Variants in RBMS3 observed in about 807,000 individuals in gnomAD.
The protein encoded by RBMS3 is RNA-binding motif, single-stranded-interacting protein 3.
RBMS3 carries 27 observed loss-of-function variants against 66.8 expected under a neutral mutation model. The ratio of observed to expected loss-of-function variants is 0.40; its 90% confidence interval spans 0.30 to 0.56. The LOEUF (loss-of-function observed/expected upper bound fraction) is 0.56. Ranked by LOEUF, RBMS3 falls within the 20% of genes least tolerant of loss-of-function variation. RBMS3 has a pLI of 0.40. For missense variants in RBMS3, 513 were observed against 549.5 expected (o/e 0.93, Z 0.66); for synonymous variants, 188 against 183.0 (o/e 1.03, Z -0.22).
rs1279445343 is a variant in RBMS3 at position 29,647,875 on chromosome 3, A to G, written c.399+60670A>G. On this transcript the variant is annotated intron_variant, in intron 4 of 14. Transcript: ENST00000383767. ...CAAATCTTTTGTGAATGTCCTGTCC[A>G]ATCTCAATTATAAAGAATTGCATAA... Among the ~76,000 whole-genome samples, 4 of 152,338 alleles carry G rather than the reference A, an allele frequency of 2.6e-5. No homozygotes were observed. In the South Asian group the frequency reaches 8.3e-4, roughly 32 times the overall value.
chr3:29,700,595 A>C (rs1353039307), intron 4 of RBMS3, among the ~76,000 whole-genome samples: 1 of 152,208 alleles, frequency 6.6e-6, no homozygotes, highest in East Asian at 1.9e-4. Flanking sequence ...ATTGGTAATT[A>C]TAGAACATGT....
In RBMS3 at chr3:29,618,568, T is replaced by C. The variant is rs111978465; in HGVS notation, c.399+31363T>C. Among the ~76,000 whole-genome samples, 876 of 152,170 alleles carry C rather than the reference T, an allele frequency of 5.8e-3. 6 individuals are homozygous for C. Among genetic ancestry groups the C allele is most frequent in the Non-Finnish European group, 8.4e-3 (569 of 67,984 alleles). ...GCCCATTTCTCCTCCTTGTCATTTC[T>C]CAATCAGTGTGGTCCTTTGTGGGTG... On this transcript the variant is annotated intron_variant, in intron 4 of 14. Transcript: ENST00000383767.
intron 1 of RBMS3, among the ~76,000 whole-genome samples, chr3:29,362,726 T>G (rs1019926966): frequency 2.6e-5 from 4 of 152,204 alleles, no homozygotes; most frequent in African/African-American, 9.6e-5. Context: ...CTTTTTAGAT[T>G]GAGCCATATA....
At chr3:29,504,101 A>T (rs2044087722) in intron 3 of RBMS3, among the ~76,000 whole-genome samples, 1 of 151,124 alleles carries the variant, frequency 6.6e-6, no homozygotes, top group South Asian at 2.1e-4. Context: ...CTTTAGATCC[A>T]CTCCAGAAAT....
chr3:29,519,785 G>T (rs2044782926), intron 3 of RBMS3, among the ~76,000 whole-genome samples: 2 of 152,084 alleles, frequency 1.3e-5, no homozygotes, highest in Admixed American at 6.6e-5. Flanking sequence ...TTATTAAAAT[G>T]GGAGCTTTAC....
rs778168184 is a variant in RBMS3 at position 29,739,844 on chromosome 3, C to T, written c.524C>T (p.Ala175Val). 1 of 1,609,818 alleles carries T rather than the reference C, an allele frequency of 6.2e-7. No individual in the cohort carries two copies. Among genetic ancestry groups the T allele is most frequent in the Non-Finnish European group, 8.5e-7 (1 of 1,178,470 alleles). The part of the protein sequence containing the change: ...HVISTRILRD[A>V]NGVSRGVGFA... ...ATTTCCACAAGAATACTAAGAGACGCTAATGGAGTCAGCAGAGGTGTTGGC... is the reference window on the plus strand; with the variant it reads ...ATTTCCACAAGAATACTAAGAGACGTTAATGGAGTCAGCAGAGGTGTTGGC... The change falls in exon 5 of 15, where the codon GCT becomes GTT. Residue 175 changes from alanine to valine, a missense_variant. Coordinates refer to ENST00000383767, the MANE Select transcript of RBMS3 (RefSeq NM_001003793.3).
intron 1 of RBMS3, among the ~76,000 whole-genome samples, chr3:29,374,327 A>G (rs1484124488): frequency 1.3e-5 from 2 of 152,166 alleles, no homozygotes; most frequent in Non-Finnish European, 2.9e-5. Context: ...CTTGTGAGAG[A>G]TGAGTTTTTG....
chr3:29,722,685 G>A (rs1043570679), intron 4 of RBMS3, among the ~76,000 whole-genome samples: 4 of 151,918 alleles, frequency 2.6e-5, no homozygotes, highest in Admixed American at 1.3e-4. Context: ...AAGATTATAG[G>A]CCAATTATTA....
At chr3:29,338,862 G>A (rs2036116940) in intron 1 of RBMS3, among the ~76,000 whole-genome samples, 1 of 152,050 alleles carries the variant, frequency 6.6e-6, no homozygotes, top group Admixed American at 6.6e-5. Flanking sequence ...ATACGGTTTA[G>A]AACAAATTTT....
intron 1 of RBMS3, among the ~76,000 whole-genome samples, chr3:29,425,344 A>G (rs1384808463): frequency 3.3e-5 from 5 of 152,050 alleles, no homozygotes; most frequent in African/African-American, 1.2e-4. Flanking sequence ...ATTGCACTCC[A>G]GCCTGGGCGA....
intron 4 of RBMS3, among the ~76,000 whole-genome samples, chr3:29,602,985 A>G (rs1226764248): frequency 2.7e-5 from 3 of 111,108 alleles, no homozygotes; most frequent in African/African-American, 1.1e-4. Flanking sequence ...GTTCTCATAG[A>G]ACCTTCTTCA....
At chr3:29,394,284 A>C (rs2039444859) in intron 1 of RBMS3, among the ~76,000 whole-genome samples, 1 of 152,064 alleles carries the variant, frequency 6.6e-6, no homozygotes, top group African/African-American at 2.4e-5. Context: ...GTTCTGCCCC[A>C]CCCCGCAGGC....
At chr3:29,717,463 A>G (rs2053445888) in intron 4 of RBMS3, among the ~76,000 whole-genome samples, 1 of 152,046 alleles carries the variant, frequency 6.6e-6, no homozygotes, top group Admixed American at 6.6e-5. Context: ...TTTCTACCCC[A>G]ACTAGTGCTA....
chr3:29,517,479 C>T (rs544227093), intron 3 of RBMS3, among the ~76,000 whole-genome samples: 7 of 152,122 alleles, frequency 4.6e-5, no homozygotes, highest in African/African-American at 1.2e-4. Flanking sequence ...CCTGCCACCA[C>T]GCCAGGCTAA....
At chr3:29,685,053 C>CTTTGT (rs57632045) in intron 4 of RBMS3, among the ~76,000 whole-genome samples, 2 of 150,556 alleles carry the variant, frequency 1.3e-5, no homozygotes, top group Admixed American at 6.6e-5. Context: ...TTTTGTTTTG[C>CTTTGT]TTTGTTTTGT....
intron 12 of RBMS3, among the ~76,000 whole-genome samples, chr3:29,969,549 C>G (rs1445622034): frequency 6.6e-6 from 1 of 152,164 alleles, no homozygotes; most frequent in African/African-American, 2.4e-5. Context: ...GACCCATAAG[C>G]TTACACTACA....
intron 12 of RBMS3, among the ~76,000 whole-genome samples, chr3:29,976,298 T>G (rs1366949878): frequency 6.6e-6 from 1 of 152,080 alleles, no homozygotes; most frequent in Admixed American, 6.6e-5. Context: ...CTAACTGGCC[T>G]TCTTCCTTCT....
chr3:29,313,304 CT>C (rs2034489842), intron 1 of RBMS3, among the ~76,000 whole-genome samples: 5 of 151,662 alleles, frequency 3.3e-5, no homozygotes, highest in Admixed American at 3.3e-4. Flanking sequence ...CCTTGCTGCC[CT>C]CAGCTCTGAT....
intron 4 of RBMS3, among the ~76,000 whole-genome samples, chr3:29,664,799 A>G (rs72846086): frequency 0.036 from 5,449 of 152,248 alleles, 211 homozygotes; most frequent in African/African-American, 0.092. Flanking sequence ...GGGTTGAAGC[A>G]TAGTTTAGGA....
Sources: gnomAD v4.1 joint callset for allele counts (sites outside exome capture counted in the v4.1 genomes callset) on GRCh38, gnomAD v4.1.1 for gene constraint, MANE v1.5 for transcripts, NCBI Gene and HGNC (gene_info 2026-07-23, HGNC 2026-07-21) for gene names.